CHST8: variants seen among roughly 807,000 people sequenced by gnomAD.
The protein encoded by CHST8 is carbohydrate sulfotransferase 8.
In CHST8, 10 loss-of-function variants were observed where a neutral mutation model predicts 15.0. The ratio of observed to expected loss-of-function variants is 0.67; its 90% CI spans 0.41 to 1.13. The LOEUF (loss-of-function observed/expected upper bound fraction) is 1.13, where lower values mean the gene tolerates loss of function less well. Ranked by LOEUF, CHST8 falls within the 50% of genes most tolerant of loss-of-function variation. CHST8 has a pLI of 0.00. For synonymous variants in CHST8, 259 were observed against 256.6 expected (o/e 1.01, Z -0.09); for missense variants, 634 against 608.2 (o/e 1.04, Z -0.45).
rs140752360 is a variant in CHST8 at position 33,731,956 on chromosome 19, C to T, written c.131-39457C>T. ...GCCTGTCTCAATGGCTCAGTCCACA[C>T]GGACAGAGATTGAGGTGCAAGGGGA... On this transcript the variant is annotated intron_variant, in intron 3 of 4. Transcript: ENST00000650847. Among the ~76,000 whole-genome samples the T allele has an allele frequency of 9.4e-3, 1,428 of 152,318 alleles. 12 individuals are homozygous for T. Among genetic ancestry groups the T allele is most frequent in the Middle Eastern group, 0.027 (8 of 294 alleles).
intron 3 of CHST8, among the ~76,000 whole-genome samples, chr19:33,757,476 A>AG (rs1568358581): frequency 2.3e-5 from 1 of 43,882 alleles, no homozygotes; most frequent in Non-Finnish European, 4.7e-5. Context: ...GAAAGAAAGA[A>AG]AGAAAGAAAG....
chr19:33,655,884 C>G (rs1972504741), intron 1 of CHST8, among the ~76,000 whole-genome samples: 2 of 151,998 alleles, frequency 1.3e-5, no homozygotes, highest in East Asian at 3.9e-4. Context: ...TTTTAAAAAT[C>G]AGGACTTCCT....
intron 3 of CHST8, among the ~76,000 whole-genome samples, chr19:33,712,461 G>A (rs964698870): frequency 2.6e-5 from 4 of 152,170 alleles, no homozygotes; most frequent in Non-Finnish European, 5.9e-5. Context: ...TCATGGGTTT[G>A]TTTGAATAAT....
rs113778356 is a variant in CHST8 at position 33,761,023 on chromosome 19, G to A, written c.131-10390G>A. On this transcript the variant is annotated intron_variant, in intron 3 of 4. Transcript: ENST00000650847. ...TGGGGGCAGATGGCAGGATCATTCC[G>A]CGTGGTGTACTGCAAAGTGGAGGCC... Among the ~76,000 whole-genome samples, 69 of 152,330 alleles carry A rather than the reference G, an allele frequency of 4.5e-4. 1 individual carries two copies. The highest frequency in any genetic ancestry group is 1.4e-3 in the African/African-American group (60 of 41,578).
chr19:33,666,299 G>T (rs1384819516), intron 1 of CHST8, among the ~76,000 whole-genome samples: 1 of 152,210 alleles, frequency 6.6e-6, no homozygotes, highest in Non-Finnish European at 1.5e-5. Flanking sequence ...ATGTGTGTGT[G>T]TGTGTGGACC....
At chr19:33,746,715 T>C (rs1974319689) in intron 3 of CHST8, among the ~76,000 whole-genome samples, 2 of 152,222 alleles carry the variant, frequency 1.3e-5, no homozygotes, top group South Asian at 2.1e-4. Flanking sequence ...CAGGAGTTAG[T>C]GGGAGGTGAG....
intron 3 of CHST8, among the ~76,000 whole-genome samples, chr19:33,760,160 C>G (rs1229067925): frequency 6.6e-6 from 1 of 152,030 alleles, no homozygotes; most frequent in Non-Finnish European, 1.5e-5. Flanking sequence ...CAAAATAACT[C>G]CACACCCTAA....
intron 3 of CHST8, among the ~76,000 whole-genome samples, chr19:33,712,362 C>T (rs1360702044): frequency 6.6e-6 from 1 of 152,046 alleles, no homozygotes; most frequent in Non-Finnish European, 1.5e-5. Context: ...GGGTTGCACT[C>T]GGAAACAGGG....
chr19:33,641,360 G>C (rs955851041), intron 1 of CHST8, among the ~76,000 whole-genome samples: 1 of 152,206 alleles, frequency 6.6e-6, no homozygotes, highest in African/African-American at 2.4e-5. Context: ...GGTCAGGACT[G>C]GGGGTGAGGC....
intron 3 of CHST8, among the ~76,000 whole-genome samples, chr19:33,714,793 C>T (rs1973633817): frequency 6.6e-6 from 1 of 152,216 alleles, no homozygotes; most frequent in South Asian, 2.1e-4. Context: ...TCTCTCTCTT[C>T]TCTTGTTTGC....
chr19:33,635,376 T>C (rs1203619618), intron 1 of CHST8, among the ~76,000 whole-genome samples: 1 of 152,120 alleles, frequency 6.6e-6, no homozygotes, highest in Non-Finnish European at 1.5e-5. Context: ...TTGGGTGGTT[T>C]TGAGACCCAG....
At chr19:33,747,277 G>A (rs1014728151) in intron 3 of CHST8, among the ~76,000 whole-genome samples, 5 of 152,176 alleles carry the variant, frequency 3.3e-5, no homozygotes, top group Admixed American at 1.3e-4. Flanking sequence ...GCTGCAGTTA[G>A]TGGGGACAGC....
At chr19:33,750,348 GGAC>G (rs1288942379) in intron 3 of CHST8, among the ~76,000 whole-genome samples, 1 of 152,160 alleles carries the variant, frequency 6.6e-6, no homozygotes, top group African/African-American at 2.4e-5. Flanking sequence ...GCACACGCTG[GGAC>G]AGACCTCAGG....
chr19:33,769,024 G>C (rs1974912233), intron 3 of CHST8, among the ~76,000 whole-genome samples: 2 of 152,200 alleles, frequency 1.3e-5, no homozygotes, highest in African/African-American at 4.8e-5. Context: ...TCTAGTTAAT[G>C]CCAAGGGCTC....
At chr19:33,648,786 C>T (rs537353658) in intron 1 of CHST8, among the ~76,000 whole-genome samples, 18 of 151,004 alleles carry the variant, frequency 1.2e-4, no homozygotes, top group Admixed American at 1.1e-3. Context: ...TATTAATAAT[C>T]GCCAAAAGGT....
At chr19:33,748,540 G>C (rs1350744798) in intron 3 of CHST8, among the ~76,000 whole-genome samples, 1 of 152,212 alleles carries the variant, frequency 6.6e-6, no homozygotes, top group African/African-American at 2.4e-5. Flanking sequence ...CAGCTGGGGA[G>C]GGGGAGATGA....
intron 2 of CHST8, among the ~76,000 whole-genome samples, chr19:33,669,567 C>G (rs1972708724): frequency 6.6e-6 from 1 of 152,198 alleles, no homozygotes; most frequent in South Asian, 2.1e-4. Context: ...TGAAGCACCT[C>G]GTCAGGATCC....
intron 3 of CHST8, among the ~76,000 whole-genome samples, chr19:33,735,629 C>A (rs1002159213): frequency 1.3e-5 from 2 of 152,170 alleles, no homozygotes; most frequent in African/African-American, 4.8e-5. Flanking sequence ...AAGTTCAAGA[C>A]CAGCCTGACC....
intron 3 of CHST8, among the ~76,000 whole-genome samples, chr19:33,729,769 G>A (rs966755270): frequency 2.0e-5 from 3 of 152,202 alleles, no homozygotes; most frequent in Non-Finnish European, 2.9e-5. Flanking sequence ...CAAGGAGTTT[G>A]GGCCTGGGGT....
Sources: gnomAD v4.1 joint callset for allele counts (sites outside exome capture counted in the v4.1 genomes callset) on GRCh38, gnomAD v4.1.1 for gene constraint, MANE v1.5 for transcripts, NCBI Gene and HGNC (gene_info 2026-07-23, HGNC 2026-07-21) for gene names.